The following ZNF540 variants were observed in gnomAD, a reference collection of about 807,000 sequenced individuals.
ZNF540 encodes the protein CTD-3064H18.6.
Under a neutral mutation model 11.8 loss-of-function variants are expected in ZNF540, and 3 were observed. The ratio of observed to expected loss-of-function variants is 0.25; its 90% CI spans 0.12 to 0.65. The LOEUF is 0.65. Among genes scored for constraint, ZNF540 ranks in the 30% least tolerant of loss-of-function variants. The pLI is 0.83. For missense variants in ZNF540, 709 were observed against 793.1 expected, an observed-to-expected ratio of 0.89 and a Z score of 1.27; for synonymous variants, 247 against 259.0, an observed-to-expected ratio of 0.95 and a Z score of 0.45.
At position 37,605,352 on chromosome 19, in the gene ZNF540, A is replaced by T. The variant is rs769841615; in HGVS notation, c.232+4247A>T. ...GTACACACCTGTAAAAACTTTATTTAAAAAAAAAGAAACTGGGCTGGGTGC... is the reference window on the plus strand; with the variant it reads ...GTACACACCTGTAAAAACTTTATTTTAAAAAAAAGAAACTGGGCTGGGTGC... On this transcript the variant is annotated intron_variant, in intron 4 of 4. Transcript: ENST00000316433. Among the ~76,000 whole-genome samples the T allele has an allele frequency of 4.0e-5, 6 of 149,188 alleles. No homozygotes were observed. The South Asian group carries it at 1.3e-3, about 31-fold the overall frequency.
intron 1 of ZNF540, among the ~76,000 whole-genome samples, chr19:37,576,603 A>G (rs2043251004): frequency 6.6e-6 from 1 of 152,214 alleles, no homozygotes; most frequent in South Asian, 2.1e-4. Flanking sequence ...ACAAAACAGC[A>G]TAAAACATGT....
chr19:37,598,963 T>G (rs1448104343), intron 2 of ZNF540, among the ~76,000 whole-genome samples: 1 of 152,192 alleles, frequency 6.6e-6, no homozygotes, highest in Non-Finnish European at 1.5e-5. Flanking sequence ...TTGACATCAG[T>G]ATGATTCTGG....
chr19:37,594,786 A>T (rs1431720456), upstream of ZNF540: 1 of 152,182 alleles, frequency 6.6e-6, no homozygotes, highest in East Asian at 1.9e-4. Context: ...TAACAGCGTA[A>T]GTGTACGACG....
intron 4 of ZNF540, among the ~76,000 whole-genome samples, chr19:37,609,742 G>T (rs1210824434): frequency 6.6e-6 from 1 of 151,884 alleles, no homozygotes; most frequent in Non-Finnish European, 1.5e-5. Flanking sequence ...CAGCTACTCA[G>T]GAGGCTGAGG....
chr19:37,585,562 A>T (rs2043641930), intron 1 of ZNF540: 1 of 152,116 alleles, frequency 6.6e-6, no homozygotes, highest in African/African-American at 2.4e-5. Context: ...CATTTTTTCT[A>T]ATTTCCCTTA....
intron 1 of ZNF540, among the ~76,000 whole-genome samples, chr19:37,597,290 G>C (rs1026502825): frequency 6.6e-6 from 1 of 152,022 alleles, no homozygotes; most frequent in Admixed American, 6.6e-5. Context: ...AGGGAAATGG[G>C]GAGTGGTGAG....
Position 37,611,642 on chromosome 19 carries a change from A to G in ZNF540, c.362A>G (p.Glu121Gly). The G allele has an allele frequency of 2.5e-6, 4 of 1,614,002 alleles. No homozygotes were observed. The highest frequency in any genetic ancestry group is 1.7e-4 in the Middle Eastern group (1 of 6,050). The change falls in exon 5 of 5, where the codon GAG (glutamate) becomes GGG (glycine). Residue 121 changes from glutamate (E) to glycine (G), a missense_variant. Physicochemically the swap from Glu to Gly is moderately conservative, Grantham distance 98 (BLOSUM62 -2). Transcript: ENST00000316433. ...LRLKGSIFRN[E>G]WQNKSEFEGQ... ...CTGAAAGGATCCATTTTTAGAAATGAGTGGCAGAACAAAAGTGAGTTTGAG... is the reference window on the plus strand; with the variant it reads ...CTGAAAGGATCCATTTTTAGAAATGGGTGGCAGAACAAAAGTGAGTTTGAG...
intron 1 of ZNF540, among the ~76,000 whole-genome samples, chr19:37,572,929 C>T (rs2147169349): frequency 6.6e-6 from 1 of 150,588 alleles, no homozygotes; most frequent in East Asian, 2.0e-4. Context: ...GAATGACTTT[C>T]AAACTTTAAA....
chr19:37,554,459 A>T (rs1191303264), intron 1 of ZNF540, among the ~76,000 whole-genome samples: 1 of 152,078 alleles, frequency 6.6e-6, no homozygotes, highest in Non-Finnish European at 1.5e-5. Flanking sequence ...TCTCACAAGG[A>T]GTTTATGAAT....
At chr19:37,580,655 G>T (rs1419044961) in intron 1 of ZNF540, among the ~76,000 whole-genome samples, 1 of 152,114 alleles carries the variant, frequency 6.6e-6, no homozygotes, top group Non-Finnish European at 1.5e-5. Context: ...TCCCTCAAGG[G>T]TGACTGAGCT....
intron 4 of ZNF540, chr19:37,611,003 A>T (rs1220289730): frequency 1.3e-5 from 2 of 151,422 alleles, no homozygotes; most frequent in Non-Finnish European, 2.9e-5. Context: ...TATTTGCCAT[A>T]TCACCACAAT....
chr19:37,552,816 G>A (rs1210326471), intron 1 of ZNF540, among the ~76,000 whole-genome samples: 4 of 152,074 alleles, frequency 2.6e-5, no homozygotes, highest in African/African-American at 7.2e-5. Flanking sequence ...GTGTGGTGGC[G>A]TGCGCCTGTA....
intron 1 of ZNF540, among the ~76,000 whole-genome samples, chr19:37,570,496 A>T (rs914500273): frequency 2.0e-5 from 3 of 152,200 alleles, no homozygotes; most frequent in African/African-American, 7.2e-5. Context: ...AAATATACTC[A>T]ATGTTAATTT....
intron 4 of ZNF540, among the ~76,000 whole-genome samples, chr19:37,604,217 T>C (rs1360098751): frequency 6.6e-6 from 1 of 150,818 alleles, no homozygotes; most frequent in East Asian, 2.0e-4. Context: ...AATTAATAGT[T>C]TCCTTAAAAT....
rs1600552688 is a variant in ZNF540, at chr19:37,594,958, T to TCCGAGCCTACCCTATTTCA, written c.-209_-191dup. On this transcript the variant is annotated 5_prime_UTR_variant, in exon 1 of 5. An upstream open reading frame in the 5' UTR gains an earlier in-frame stop. Transcript: ENST00000316433. ...AACTGTGGGACTTACCCTACTATGG[T>TCCGAGCCTACCCTATTTCA]CCGAGCCTACCCTATTTCATTATAC... 6.6e-6 allele frequency: 1 copy of TCCGAGCCTACCCTATTTCA among 152,152 alleles called. No homozygotes were observed. The highest frequency in any genetic ancestry group is 1.9e-4 in the East Asian group (1 of 5,188). The allele number at this position is 152,152 out of a possible 1,614,324, so 9.4% of individuals were successfully genotyped here. A position where few individuals can be genotyped will look rare whatever the true frequency, so the allele number is the denominator to read the frequency against.
In ZNF540 at chr19:37,612,552, T is replaced by G. The variant is rs767574265; in HGVS notation, c.1272T>G (p.Gly424=). 6.8e-6 allele frequency: 11 copies of G among 1,614,098 alleles called. No homozygotes were observed. The highest frequency in any genetic ancestry group is 8.5e-6 in the Non-Finnish European group (10 of 1,180,002). ...KVCEKAFSYS[G]DLRVHSRIHT... ...GTGAGAAGGCTTTTAGTTATAGTGG[T>G]GACCTCAGAGTACATTCTAGAATTC... Residue 424 remains glycine, a synonymous_variant, in exon 5 of 5, where the codon GGT becomes GGG. Transcript: ENST00000316433.
At chr19:37,572,411 C>A (rs940816090) in intron 1 of ZNF540, among the ~76,000 whole-genome samples, 1 of 152,200 alleles carries the variant, frequency 6.6e-6, no homozygotes, top group African/African-American at 2.4e-5. Context: ...CATCCTACTC[C>A]ATCTTGCTCA....
intron 1 of ZNF540, chr19:37,565,326 A>G (rs1258694676): frequency 4.3e-6 from 7 of 1,612,284 alleles, no homozygotes; most frequent in Admixed American, 3.3e-5. Context: ...GTCTTCCCGC[A>G]TTCTTTACAT....
chr19:37,560,130 T>C (rs901163600), intron 1 of ZNF540, among the ~76,000 whole-genome samples: 12 of 151,678 alleles, frequency 7.9e-5, no homozygotes, highest in African/African-American at 2.7e-4. Context: ...ATATAAAAAT[T>C]AGCTGGGCAT....
Sources: gnomAD v4.1 joint callset for allele counts (sites outside exome capture counted in the v4.1 genomes callset) on GRCh38, gnomAD v4.1.1 for gene constraint, MANE v1.5 for transcripts, NCBI Gene and HGNC (gene_info 2026-07-23, HGNC 2026-07-21) for gene names.